The following PTPRD variants were observed in gnomAD, a reference collection of about 807,000 sequenced individuals.
PTPRD encodes the protein protein tyrosine phosphatase receptor type D, also known as receptor-type tyrosine-protein phosphatase delta.
In PTPRD, 34 loss-of-function variants were observed where a neutral mutation model predicts 214.5. The observed-to-expected ratio is 0.16, with a 90% confidence interval of 0.12 to 0.21. The LOEUF is 0.21. Ranked by LOEUF, PTPRD falls within the 10% of genes least tolerant of loss-of-function variation. The pLI, the probability that PTPRD is intolerant of heterozygous loss-of-function variation, is 1.00. For missense variants in PTPRD, 2,545 were observed against 2,398.7 expected (o/e 1.06, Z -1.27); for synonymous variants, 1,128 against 845.7 (o/e 1.33, Z -5.79).
At chr9:8,526,696 C>T (rs368054821) in intron 16 of PTPRD, 52 bp from the exon 17 acceptor site, 46 of 1,484,954 alleles carry the variant, frequency 3.1e-5, no homozygotes, top group South Asian at 6.4e-5. Context: ...AGCATTAGTA[C>T]GAGAAGAAGG....
At chr9:10,134,298 C>A (rs1438345235) in intron 3 of PTPRD, among the ~76,000 whole-genome samples, 1 of 152,150 alleles carries the variant, frequency 6.6e-6, no homozygotes, top group Non-Finnish European at 1.5e-5. Context: ...CCTGACAGGT[C>A]CCTCATTGGG....
At chr9:9,601,758 G>A (rs1281419497) in intron 7 of PTPRD, among the ~76,000 whole-genome samples, 3 of 151,920 alleles carry the variant, frequency 2.0e-5, no homozygotes, top group East Asian at 1.9e-4. Flanking sequence ...TTGTTCTGGT[G>A]GAAACTACAT....
intron 14 of PTPRD, among the ~76,000 whole-genome samples, chr9:8,567,210 G>A (rs1003474544): frequency 6.6e-6 from 1 of 152,142 alleles, no homozygotes; most frequent in Admixed American, 6.5e-5. Context: ...GAATTTGGCG[G>A]TACCTGCCTT....
rs182566307 is a variant in PTPRD at position 9,707,781 on chromosome 9, C to G, written c.-287+26752G>C. On this transcript the variant is annotated intron_variant, in intron 7 of 45. Transcript: ENST00000381196. ...TGATAGAGTTAGCAGTGCCACTATT[C>G]TATTGGCCTGCATTCTGCTATATAA... Among the ~76,000 whole-genome samples, 126 of 152,154 alleles carry G rather than the reference C, an allele frequency of 8.3e-4. 2 individuals carry two copies. The highest frequency in any genetic ancestry group is 2.9e-3 in the African/African-American group (122 of 41,534).
At chr9:9,731,868 G>T (rs1408788235) in intron 7 of PTPRD, among the ~76,000 whole-genome samples, 1 of 152,140 alleles carries the variant, frequency 6.6e-6, no homozygotes. Context: ...AATGTGTTAG[G>T]TATGCTGCAG....
intron 14 of PTPRD, among the ~76,000 whole-genome samples, chr9:8,543,397 T>C (rs1051311499): frequency 1.3e-5 from 2 of 152,184 alleles, no homozygotes; most frequent in Non-Finnish European, 2.9e-5. Context: ...GGTTTTGATG[T>C]TTACCACAAG....
chr9:9,607,630 G>A (rs989910200), intron 7 of PTPRD, among the ~76,000 whole-genome samples: 28 of 151,956 alleles, frequency 1.8e-4, no homozygotes, highest in Admixed American at 1.5e-3. Context: ...AGAGGAGAAG[G>A]TTTAACCTCA....
At chr9:10,389,502 G>C (rs896955045) in intron 2 of PTPRD, among the ~76,000 whole-genome samples, 5 of 151,782 alleles carry the variant, frequency 3.3e-5, no homozygotes, top group African/African-American at 1.2e-4. Context: ...TGTTCCCTTT[G>C]TTTCACATAG....
At chr9:9,276,322 T>C (rs528290313) in intron 9 of PTPRD, among the ~76,000 whole-genome samples, 1 of 151,424 alleles carries the variant, frequency 6.6e-6, no homozygotes. Context: ...ATAATTGCTC[T>C]TTATTACAAA....
chr9:10,590,535 G>A (rs1287815961), intron 2 of PTPRD, among the ~76,000 whole-genome samples: 1 of 151,862 alleles, frequency 6.6e-6, no homozygotes, highest in Non-Finnish European at 1.5e-5. Context: ...CTAATATTCT[G>A]TTTTAGAACT....
At chr9:9,097,780 C>T (rs756347057) in intron 10 of PTPRD, among the ~76,000 whole-genome samples, 13 of 151,470 alleles carry the variant, frequency 8.6e-5, no homozygotes, top group Admixed American at 2.6e-4. Context: ...ATCTTGTGAG[C>T]AGAAGACCTG....
chr9:10,289,582 T>G (rs2095470573), intron 3 of PTPRD, among the ~76,000 whole-genome samples: 1 of 152,154 alleles, frequency 6.6e-6, no homozygotes, highest in South Asian at 2.1e-4. Context: ...TTTGTGCTAA[T>G]ATTCCAACTG....
chr9:8,996,937 C>T (rs970363328), intron 11 of PTPRD, among the ~76,000 whole-genome samples: 5 of 151,952 alleles, frequency 3.3e-5, no homozygotes, highest in African/African-American at 9.7e-5. Flanking sequence ...ATGTGTTTGT[C>T]AATACACAGA....
intron 10 of PTPRD, among the ~76,000 whole-genome samples, chr9:9,034,791 G>A (rs1434377103): frequency 6.6e-6 from 1 of 152,154 alleles, no homozygotes; most frequent in Non-Finnish European, 1.5e-5. Flanking sequence ...TCACAGGGCT[G>A]TTGTGAGACT....
rs142083880 is a variant in PTPRD at position 8,950,101 on chromosome 9, T to C, written c.-104+68596A>G. Among the ~76,000 whole-genome samples the C allele has an allele frequency of 5.9e-5, 9 of 152,240 alleles. No individual in the cohort carries two copies. In the East Asian group the frequency reaches 1.2e-3, roughly 20 times the overall value. The stretch of plus-strand genomic sequence containing the variant: ...TATTTTACAAGTGAGAAAATGTCTA[T>C]TTACAAGTGACTTGGCCAACATGAA... On this transcript the variant is annotated intron_variant, in intron 11 of 45. Transcript: ENST00000381196.
At chr9:9,718,210 A>T (rs2097866783) in intron 7 of PTPRD, among the ~76,000 whole-genome samples, 1 of 152,224 alleles carries the variant, frequency 6.6e-6, no homozygotes, top group South Asian at 2.1e-4. Context: ...TTCTTTTATA[A>T]GAGGAGATGG....
chr9:8,433,988 C>T (rs2381799), intron 35 of PTPRD, among the ~76,000 whole-genome samples: 26,897 of 130,984 alleles, frequency 0.21, 2,978 homozygotes, highest in East Asian at 0.48. Context: ...TGTTTGTTTG[C>T]TTGTTTGTTT....
At chr9:10,063,750 T>C (rs2097823837) in intron 3 of PTPRD, among the ~76,000 whole-genome samples, 1 of 151,998 alleles carries the variant, frequency 6.6e-6, no homozygotes, top group South Asian at 2.1e-4. Flanking sequence ...GTACTCCACA[T>C]TTCTTGCAAT....
chr9:9,992,072 A>G (rs1232514821), intron 4 of PTPRD, among the ~76,000 whole-genome samples: 1 of 152,154 alleles, frequency 6.6e-6, no homozygotes, highest in East Asian at 1.9e-4. Context: ...TAGATTCGTG[A>G]TTGTCTAGAC....
Sources: gnomAD v4.1 joint callset for allele counts (sites outside exome capture counted in the v4.1 genomes callset) on GRCh38, gnomAD v4.1.1 for gene constraint, MANE v1.5 for transcripts, NCBI Gene and HGNC (gene_info 2026-07-23, HGNC 2026-07-21) for gene names.